ANXA6: variants seen among roughly 807,000 people sequenced by gnomAD.
The protein encoded by ANXA6 is 67 kDa calelectrin.
A neutral mutation model predicts 95.4 loss-of-function variants in ANXA6; 71 were observed. The observed-to-expected ratio is 0.74, with a 90% CI of 0.61 to 0.91. The LOEUF (loss-of-function observed/expected upper bound fraction) is 0.91. ANXA6 is among the 40% of genes least tolerant of loss of function. The probability of loss-of-function intolerance (pLI) is 0.00; values close to 1 mark genes in which losing one functional copy is unlikely to be tolerated. For missense variants in ANXA6, 830 were observed against 876.4 expected, an observed-to-expected ratio of 0.95 and a Z score of 0.67; for synonymous variants, 289 against 315.9, an observed-to-expected ratio of 0.91 and a Z score of 0.90.
intron 14 of ANXA6, 79 bp downstream of exon 14, chr5:151,126,323 G>A: frequency 7.7e-7 from 1 of 1,298,270 alleles, no homozygotes; most frequent in African/African-American, 1.5e-5. Context: ...GGGCAGCTGG[G>A]TGCCAACCAG....
chr5:151,109,718 C>T (rs1764794131), intron 22 of ANXA6, 35 bp downstream of exon 22: 1 of 1,528,930 alleles, frequency 6.5e-7, no homozygotes, highest in African/African-American at 1.4e-5. Flanking sequence ...TGGGATCTTC[C>T]TGCTGAGCTG....
Position 151,111,324 on chromosome 5 carries a change from C to T in ANXA6, c.1573-680G>A, listed in dbSNP as rs554410208. Among the ~76,000 whole-genome samples the T allele has an allele frequency of 1.2e-4, 19 of 152,342 alleles. No individual in the cohort carries two copies. The East Asian group carries it at 2.1e-3, about 17-fold the overall frequency. The stretch of plus-strand genomic sequence containing the variant: ...AGCCTGGGAACAAAATACCCAGGCT[C>T]ATGTACCTAGGCTGCGTATTGCTTT... On this transcript the variant is annotated intron_variant, in intron 20 of 25. Coordinates refer to ENST00000354546, the MANE Select transcript of ANXA6 (RefSeq NM_001155.5).
intron 1 of ANXA6, chr5:151,155,790 G>A (rs1766221687): frequency 6.6e-6 from 1 of 152,274 alleles, no homozygotes; most frequent in African/African-American, 2.4e-5. Context: ...TCCCTGTAGA[G>A]AGGAAGGGGC....
intron 3 of ANXA6, among the ~76,000 whole-genome samples, chr5:151,139,826 C>G (rs983304465): frequency 2.0e-5 from 3 of 152,152 alleles, no homozygotes; most frequent in Admixed American, 2.0e-4. Flanking sequence ...ACATAAGCAC[C>G]ACCTTCGGAT....
At chr5:151,127,174 A>T (rs1042675476) in intron 13 of ANXA6, among the ~76,000 whole-genome samples, 6 of 152,258 alleles carry the variant, frequency 3.9e-5, no homozygotes, top group African/African-American at 1.4e-4. Context: ...TGGCCATGCC[A>T]GCCCTGCATC....
At chr5:151,118,590 C>T (rs1465782484) in intron 18 of ANXA6, among the ~76,000 whole-genome samples, 4 of 152,096 alleles carry the variant, frequency 2.6e-5, no homozygotes, top group East Asian at 1.9e-4. Context: ...CATGCCACCA[C>T]GCCTGGCTAA....
At chr5:151,104,328 C>CA (rs1764635460) in intron 24 of ANXA6, among the ~76,000 whole-genome samples, 1 of 152,238 alleles carries the variant, frequency 6.6e-6, no homozygotes, top group Non-Finnish European at 1.5e-5. Context: ...GCCCAAGGAG[C>CA]AGGCACAGGG....
At chr5:151,101,543 T>A in intron 25 of ANXA6, 36 bp from the exon 26 acceptor site, 2 of 1,539,666 alleles carry the variant, frequency 1.3e-6, no homozygotes, top group South Asian at 1.2e-5. Context: ...GTGAAAACAG[T>A]CCTTCCAGTC....
chr5:151,131,120 T>A, intron 11 of ANXA6, 111 bp downstream of exon 11: 1 of 1,149,524 alleles, frequency 8.7e-7, no homozygotes, highest in East Asian at 2.4e-5. Context: ...CCAGGGTCAG[T>A]CCTGTGGCCA....
At chr5:151,110,750 T>A in intron 20 of ANXA6, 106 bp from the exon 21 acceptor site, 1 of 1,252,268 alleles carries the variant, frequency 8.0e-7, no homozygotes, top group Non-Finnish European at 1.2e-6. Flanking sequence ...GGGGCCTGGC[T>A]GGGAGTGGGA....
intron 24 of ANXA6, among the ~76,000 whole-genome samples, chr5:151,104,118 C>T (rs1193068292): frequency 6.6e-6 from 1 of 152,144 alleles, no homozygotes; most frequent in African/African-American, 2.4e-5. Context: ...GCATTCACAG[C>T]CAGGAAACAC....
chr5:151,117,288 T>C, intron 19 of ANXA6, 108 bp from the exon 20 acceptor site: 1 of 1,166,976 alleles, frequency 8.6e-7, no homozygotes. Flanking sequence ...CTCTTCCTCA[T>C]CAGCTACACA....
chr5:151,139,325 C>T, intron 4 of ANXA6, 28 bp downstream of exon 4: 2 of 1,520,830 alleles, frequency 1.3e-6, no homozygotes, highest in Non-Finnish European at 1.8e-6. Flanking sequence ...CACCCGCACC[C>T]CATGGGCCCT....
intron 1 of ANXA6, among the ~76,000 whole-genome samples, chr5:151,157,317 C>T (rs1766261908): frequency 2.6e-5 from 4 of 152,128 alleles, no homozygotes; most frequent in Admixed American, 1.3e-4. Flanking sequence ...GTCCAGCTGA[C>T]CCCAACCCCG....
rs920267661 is a variant in ANXA6 at position 151,109,790 on chromosome 5, C to T, written c.1647G>A (p.Thr549=). 15 of 1,611,430 alleles carry T rather than the reference C, an allele frequency of 9.3e-6. No individual in the cohort carries two copies. Among genetic ancestry groups the T allele is most frequent in the African/African-American group, 5.3e-5 (4 of 74,856 alleles). The stretch of plus-strand genomic sequence containing the variant: ...GCGGATAGCTCCGGGTACACAGGAT[C>T]GTCATGAAACGTGTCTCCAAGGAAG... ...DKTSLETRFM[T]ILCTRSYPHL... Residue 549 remains threonine, a synonymous_variant, in exon 22 of 26, where the codon ACG becomes ACA. Coordinates refer to ENST00000354546, the MANE Select transcript of ANXA6 (RefSeq NM_001155.5).
At chr5:151,128,801 G>A (rs1400159193) in intron 12 of ANXA6, among the ~76,000 whole-genome samples, 1 of 152,158 alleles carries the variant, frequency 6.6e-6, no homozygotes, top group Non-Finnish European at 1.5e-5. Flanking sequence ...ATTTATCTTT[G>A]CTTATTGTGG....
rs746979669 is a variant in ANXA6, at chr5:151,156,125, G to A, written c.-26+1555C>T. On this transcript the variant is annotated intron_variant, in intron 1 of 25. Coordinates refer to ENST00000354546, the MANE Select transcript of ANXA6 (RefSeq NM_001155.5). ...GCAGATGCTGCCTTAGGAACAAAGG[G>A]TAGATAAGGCAAAGAAAGATGGATG... Among the ~76,000 whole-genome samples the A allele has an allele frequency of 3.0e-4, 45 of 152,238 alleles. 1 individual carries two copies. The highest frequency in any genetic ancestry group is 5.0e-4 in the Non-Finnish European group (34 of 68,046).
At chr5:151,155,078 A>G (rs756308935) in intron 1 of ANXA6, 1 of 152,214 alleles carries the variant, frequency 6.6e-6, no homozygotes, top group Non-Finnish European at 1.5e-5. Context: ...GCACACAGGA[A>G]GCACTATATT....
rs1337399823 is a variant in ANXA6 at position 151,132,501 on chromosome 5, G to A, written c.711C>T (p.Asp237=). The change falls in exon 10 of 26, where the codon GAC becomes GAT. Residue 237 remains aspartate, a synonymous_variant. Coordinates refer to ENST00000354546, the MANE Select transcript of ANXA6 (RefSeq NM_001155.5). ...CTACGGCCAGCATTAGCTTCTCAAAGTCCCCAGACAGCTCCCCTCGGATGC... is the reference window on the plus strand; with the variant it reads ...CTACGGCCAGCATTAGCTTCTCAAAATCCCCAGACAGCTCCCCTCGGATGC... ...EASIRGELSG[D]FEKLMLAVVK... 1 of 1,613,186 alleles carries A rather than the reference G, an allele frequency of 6.2e-7. No homozygotes were observed. The highest frequency in any genetic ancestry group is 8.5e-7 in the Non-Finnish European group (1 of 1,179,672).
Sources: gnomAD v4.1 joint callset for allele counts (sites outside exome capture counted in the v4.1 genomes callset) on GRCh38, gnomAD v4.1.1 for gene constraint, MANE v1.5 for transcripts, NCBI Gene and HGNC (gene_info 2026-07-23, HGNC 2026-07-21) for gene names.